Variants in DDX60L observed in about 807,000 individuals in gnomAD.
DDX60L encodes the protein probable ATP-dependent RNA helicase DDX60-like.
In DDX60L, 191 loss-of-function variants were observed where a neutral mutation model predicts 211.6. The observed-to-expected ratio is 0.90, with a 90% CI of 0.80 to 1.02. The LOEUF (loss-of-function observed/expected upper bound fraction) is 1.02. Among genes scored for constraint, DDX60L ranks in the 50% least tolerant of loss-of-function variants. The pLI is 0.00. For synonymous variants in DDX60L, 706 were observed against 694.1 expected (o/e 1.02, Z -0.27); for missense variants, 2,007 against 1,984.1 (o/e 1.01, Z -0.22).
chr4:168,438,075 GTGT>G (rs1312556721), intron 10 of DDX60L, among the ~76,000 whole-genome samples: 1 of 152,034 alleles, frequency 6.6e-6, no homozygotes, highest in East Asian at 1.9e-4. Context: ...GGGTTTTACT[GTGT>G]TAGCCAGGAT....
In DDX60L at chr4:168,420,698, CAGACAGAT is replaced by C. The variant is rs1300644659; in HGVS notation, c.2395-326_2395-319del. 5.9e-3 allele frequency among the ~76,000 whole-genome samples: 850 copies of C among 143,482 alleles called. 13 individuals are homozygous for C. The highest frequency in any genetic ancestry group is 0.02 in the African/African-American group (794 of 39,090). The allele number at this position is 143,482 out of a possible 152,430, so 94.1% of individuals were successfully genotyped here. On this transcript the variant is annotated intron_variant, in intron 17 of 37. Transcript: ENST00000682922. Reference sequence around the variant, plus strand: ...ATAGATAGATAGACAGACAGACAGACAGACAGATATTACATATCATGTATATGGTGACA... The same window carrying C: ...ATAGATAGATAGACAGACAGACAGACATTACATATCATGTATATGGTGACA...
At chr4:168,479,777 GC>G (rs11325640) in intron 1 of DDX60L, among the ~76,000 whole-genome samples, 78,430 of 150,810 alleles carry the variant, frequency 0.52, 20,810 homozygotes, top group African/African-American at 0.6. Flanking sequence ...GACCATCCTG[GC>G]CTAACATGGT....
In DDX60L at chr4:168,375,430, G is replaced by A. The variant is rs1008525406; in HGVS notation, c.4580C>T (p.Ala1527Val). Residue 1527 changes from alanine (A) to valine (V), a missense_variant, in exon 34 of 38, where the codon GCT becomes GTT. Transcript: ENST00000682922. ...TTTTTTCATGTTCACCGACTTGGAA[G>A]CAATCAGCAGGAAGGAGGCAAAATC... ...MKDFASFLLIASKSVNMKKEH... is the reference protein window; with the variant it reads ...MKDFASFLLIVSKSVNMKKEH... 6.2e-6 allele frequency: 10 copies of A among 1,612,700 alleles called. No individual in the cohort carries two copies. Among genetic ancestry groups the A allele is most frequent in the Non-Finnish European group, 8.5e-6 (10 of 1,179,404 alleles).
chr4:168,469,116 T>C (rs1487707855), intron 4 of DDX60L: 2 of 152,182 alleles, frequency 1.3e-5, no homozygotes, highest in Admixed American at 1.3e-4. Context: ...GAACCTAGAA[T>C]AGCCAAAGTT....
intron 9 of DDX60L, among the ~76,000 whole-genome samples, chr4:168,443,106 G>A (rs1220649478): frequency 6.6e-6 from 1 of 151,366 alleles, no homozygotes; most frequent in Non-Finnish European, 1.5e-5. Context: ...TCAAACCAAA[G>A]GCAAAGAAGT....
chr4:168,371,833 C>T, intron 35 of DDX60L, 70 bp from the exon 36 acceptor site: 5 of 1,357,598 alleles, frequency 3.7e-6, no homozygotes, highest in East Asian at 2.5e-5. Context: ...TTTGAGATTT[C>T]CTTTGTATGA....
intron 16 of DDX60L, 21 bp downstream of exon 16, chr4:168,422,503 T>C: frequency 6.3e-7 from 1 of 1,598,622 alleles, no homozygotes; most frequent in Non-Finnish European, 8.5e-7. Context: ...ATTAGAAAAG[T>C]ACAATGTTTG....
intron 7 of DDX60L, among the ~76,000 whole-genome samples, chr4:168,453,674 A>G (rs941004495): frequency 6.6e-6 from 1 of 152,196 alleles, no homozygotes; most frequent in Non-Finnish European, 1.5e-5. Flanking sequence ...ATCTATCTGT[A>G]AAACGTATTG....
At chr4:168,397,266 T>C (rs1745967414) in intron 26 of DDX60L, among the ~76,000 whole-genome samples, 1 of 152,192 alleles carries the variant, frequency 6.6e-6, no homozygotes, top group Admixed American at 6.5e-5. Context: ...CTTTCAAAAG[T>C]ATTTATGAAG....
intron 37 of DDX60L, 48 bp downstream of exon 37, chr4:168,361,101 A>T (rs1314985609): frequency 1.5e-6 from 2 of 1,352,350 alleles, no homozygotes; most frequent in South Asian, 1.2e-5. Flanking sequence ...TATGTTTGCT[A>T]AACTATCATT....
At chr4:168,358,866 A>C (rs757288333) in intron 37 of DDX60L, among the ~76,000 whole-genome samples, 1 of 152,160 alleles carries the variant, frequency 6.6e-6, no homozygotes, top group Non-Finnish European at 1.5e-5. Flanking sequence ...AGTTTGTAAG[A>C]CCACAGAATT....
intron 29 of DDX60L, among the ~76,000 whole-genome samples, chr4:168,386,088 C>A (rs1743817877): frequency 6.6e-6 from 1 of 151,974 alleles, no homozygotes; most frequent in African/African-American, 2.4e-5. Context: ...TCAATCAGAT[C>A]CTTCATTTGC....
intron 37 of DDX60L, among the ~76,000 whole-genome samples, chr4:168,360,050 T>A (rs1442184073): frequency 6.6e-6 from 1 of 152,202 alleles, no homozygotes; most frequent in Non-Finnish European, 1.5e-5. Context: ...GATTGGAAAT[T>A]ACATCTTCTA....
At chr4:168,359,625 C>A (rs1738761704) in intron 37 of DDX60L, among the ~76,000 whole-genome samples, 2 of 152,172 alleles carry the variant, frequency 1.3e-5, no homozygotes, top group Non-Finnish European at 2.9e-5. Context: ...AATCTATATA[C>A]CCTGCCAGAA....
At chr4:168,464,781 G>T (rs980175949) in intron 4 of DDX60L, among the ~76,000 whole-genome samples, 2 of 151,938 alleles carry the variant, frequency 1.3e-5, no homozygotes, top group Non-Finnish European at 2.9e-5. Flanking sequence ...CCACCCTATG[G>T]TGCAATAATG....
At chr4:168,383,645 T>C (rs1437397676) in intron 30 of DDX60L, among the ~76,000 whole-genome samples, 2 of 152,172 alleles carry the variant, frequency 1.3e-5, no homozygotes, top group African/African-American at 4.8e-5. Flanking sequence ...GGTAATTATT[T>C]AGCTCACGAG....
At chr4:168,478,325 C>T (rs56999040) in intron 1 of DDX60L, among the ~76,000 whole-genome samples, 18,824 of 152,082 alleles carry the variant, frequency 0.12, 1,468 homozygotes, top group Non-Finnish European at 0.16. Flanking sequence ...TTCAAATGAA[C>T]TTAAGACAGA....
intron 25 of DDX60L, among the ~76,000 whole-genome samples, chr4:168,402,716 G>GT (rs1477844075): frequency 2.0e-5 from 3 of 152,056 alleles, no homozygotes; most frequent in South Asian, 2.1e-4. Context: ...AGCACCATGT[G>GT]TTTTTTCTAG....
chr4:168,369,175 C>T (rs187453687), intron 36 of DDX60L, among the ~76,000 whole-genome samples: 3 of 152,302 alleles, frequency 2.0e-5, no homozygotes, highest in Admixed American at 6.5e-5. Context: ...GTAACTCCCA[C>T]AATTCCCATG....
Sources: allele counts gnomAD v4.1 joint callset (sites outside exome capture counted in the v4.1 genomes callset), GRCh38; gene constraint gnomAD v4.1.1; transcripts MANE v1.5; gene names NCBI Gene and HGNC (gene_info 2026-07-23, HGNC 2026-07-21).